Variants in TTC3 observed in about 807,000 individuals in gnomAD.
TTC3 encodes the protein tetratricopeptide repeat domain 3.
A neutral mutation model predicts 249.6 loss-of-function variants in TTC3; 180 were observed. That is an observed-to-expected ratio of 0.72 (90% CI 0.64 to 0.82). TTC3 has a LOEUF of 0.82. Among genes scored for constraint, TTC3 ranks in the 40% least tolerant of loss-of-function variants. The pLI is 0.00. For missense variants in TTC3, 2,061 were observed against 2,398.4 expected, an observed-to-expected ratio of 0.86 and a Z score of 2.94; for synonymous variants, 717 against 805.0, an observed-to-expected ratio of 0.89 and a Z score of 1.85.
At chr21:37,112,404 T>G (rs1315592166) in intron 11 of TTC3, among the ~76,000 whole-genome samples, 1 of 152,196 alleles carries the variant, frequency 6.6e-6, no homozygotes, top group South Asian at 2.1e-4. Context: ...CAGAGAATAC[T>G]GTAAACACCT....
exon 42 of TTC3, chr21:37,195,944 T>C (rs1180850661): frequency 3.1e-6 from 5 of 1,614,098 alleles, no homozygotes; most frequent in Non-Finnish European, 4.2e-6. Context: ...AGCCTGTTCC[T>C]CCAGGACGTG....
At chr21:37,151,189 A>G (rs765714578) in intron 25 of TTC3, among the ~76,000 whole-genome samples, 1 of 152,150 alleles carries the variant, frequency 6.6e-6, no homozygotes, top group African/African-American at 2.4e-5. Context: ...TATAAAAACT[A>G]TACAGTTTGC....
At chr21:37,182,496 G>A (rs1231386019) in intron 35 of TTC3, among the ~76,000 whole-genome samples, 1 of 152,250 alleles carries the variant, frequency 6.6e-6, no homozygotes, top group Non-Finnish European at 1.5e-5. Context: ...AGGCTGGAGA[G>A]TAAGTGTGAA....
chr21:37,095,137 A>ATGTGTGTG (rs57682889), intron 8 of TTC3, among the ~76,000 whole-genome samples: 2,633 of 147,564 alleles, frequency 0.018, 61 homozygotes, highest in African/African-American at 0.058. Context: ...CTCTAAAAAT[A>ATGTGTGTG]TGTGTGTGTG....
chr21:37,124,903 A>C (rs1253314586), intron 14 of TTC3, among the ~76,000 whole-genome samples, 161 bp downstream of exon 14: 1 of 152,238 alleles, frequency 6.6e-6, no homozygotes, highest in African/African-American at 2.4e-5. Context: ...TAATCTGAGT[A>C]TCTCATATAA....
intron 12 of TTC3, among the ~76,000 whole-genome samples, chr21:37,122,223 A>G (rs1315531213): frequency 1.3e-5 from 2 of 151,764 alleles, no homozygotes; most frequent in African/African-American, 4.8e-5. Flanking sequence ...CCAAATTGTT[A>G]TTTATTCCTC....
At chr21:37,078,926 A>C (rs561254069) in intron 1 of TTC3, among the ~76,000 whole-genome samples, 2 of 152,294 alleles carry the variant, frequency 1.3e-5, no homozygotes, top group South Asian at 4.1e-4. Context: ...CTCAGCTGAG[A>C]ATAACATTTG....
chr21:37,119,204 C>G (rs2076393109), intron 11 of TTC3, among the ~76,000 whole-genome samples: 1 of 152,022 alleles, frequency 6.6e-6, no homozygotes, highest in Non-Finnish European at 1.5e-5. Flanking sequence ...TTTAATTCTT[C>G]AAGGTTTTAA....
At chr21:37,107,052 A>G (rs2075145679) in intron 10 of TTC3, among the ~76,000 whole-genome samples, 1 of 148,752 alleles carries the variant, frequency 6.7e-6, no homozygotes, top group Non-Finnish European at 1.5e-5. Context: ...TTTGTTGGTC[A>G]GGTTGTCTAT....
chr21:37,157,466 T>C lies in TTC3; in HGVS notation c.2992+560T>C, dbSNP rs530743405. Among the ~76,000 whole-genome samples, 23 of 152,302 alleles carry C rather than the reference T, an allele frequency of 1.5e-4. No individual in the cohort carries two copies. In the South Asian group the frequency reaches 3.7e-3, roughly 25 times the overall value. The stretch of plus-strand genomic sequence containing the variant: ...TGTCTCTGCCCTTGAGGACCTTGTG[T>C]TCTAGAAAAGAGAATAAGAAGCATG... On this transcript the variant is annotated intron_variant, in intron 28 of 45. Transcript: ENST00000355666.
At chr21:37,109,400 C>T (rs1046900255) in intron 11 of TTC3, among the ~76,000 whole-genome samples, 4 of 152,242 alleles carry the variant, frequency 2.6e-5, no homozygotes, top group Non-Finnish European at 5.9e-5. Context: ...TCAAACGGCA[C>T]ACCAGGAGAT....
At chr21:37,182,935 G>A in intron 36 of TTC3, 22 bp downstream of exon 36, 1 of 1,497,290 alleles carries the variant, frequency 6.7e-7, no homozygotes. Context: ...TTGAAAGGCA[G>A]TAATTTTTAT....
rs1179951258 is a variant in TTC3 at position 37,160,791 on chromosome 21, C to G, written c.3040-11C>G. ...TTTGAGTGTTCACTGATTTTTCCCC[C>G]CATTTTTTAGTTTAGTTCAACCAAG... is the stretch of plus-strand genomic sequence containing the variant. On this transcript the variant is annotated splice_polypyrimidine_tract_variant and intron_variant, in intron 29 of 45. Coordinates refer to ENST00000355666, the Ensembl canonical transcript of TTC3. 2 of 1,612,190 alleles carry G rather than the reference C, an allele frequency of 1.2e-6. No individual in the cohort carries two copies. The highest frequency in any genetic ancestry group is 1.7e-6 in the Non-Finnish European group (2 of 1,179,236).
chr21:37,123,223 T>C (rs1297851053), intron 13 of TTC3, among the ~76,000 whole-genome samples, 195 bp downstream of exon 13: 1 of 152,198 alleles, frequency 6.6e-6, no homozygotes, highest in Non-Finnish European at 1.5e-5. Context: ...TTCGCTGTTT[T>C]AGTGAACCAT....
chr21:37,092,747 C>T lies in TTC3; in HGVS notation c.602-1258C>T, dbSNP rs2073434902. Among the ~76,000 whole-genome samples, 3 of 152,176 alleles carry T rather than the reference C, an allele frequency of 2.0e-5. No individual in the cohort carries two copies. The South Asian group carries it at 6.2e-4, about 32-fold the overall frequency. On this transcript the variant is annotated intron_variant, in intron 7 of 45. Transcript: ENST00000355666. ...AATCTTAAATTTTAGGTGCTCTTTT[C>T]ACTTTAGAAATGAATATGTTTGGCT...
chr21:37,144,765 C>T, intron 21 of TTC3, 120 bp downstream of exon 21: 5 of 1,203,088 alleles, frequency 4.2e-6, no homozygotes. Context: ...ACACGCATTT[C>T]CCCTCTACTG....
At chr21:37,120,153 G>A (rs2076468386) in intron 11 of TTC3, among the ~76,000 whole-genome samples, 1 of 152,212 alleles carries the variant, frequency 6.6e-6, no homozygotes, top group African/African-American at 2.4e-5. Flanking sequence ...GAACATGGTG[G>A]TCTCCTAAGT....
chr21:37,112,187 CT>C (rs1402877345), intron 11 of TTC3, among the ~76,000 whole-genome samples: 3 of 152,122 alleles, frequency 2.0e-5, no homozygotes, highest in African/African-American at 7.2e-5. Flanking sequence ...CAAGAAATAT[CT>C]AAGATCAGAG....
At chr21:37,177,780 A>G (rs2082402152) in intron 35 of TTC3, among the ~76,000 whole-genome samples, 1 of 152,194 alleles carries the variant, frequency 6.6e-6, no homozygotes, top group South Asian at 2.1e-4. Context: ...GGTAATAATG[A>G]CTATGTGAGA....
Sources: gnomAD v4.1 joint callset for allele counts (sites outside exome capture counted in the v4.1 genomes callset) on GRCh38, gnomAD v4.1.1 for gene constraint, MANE v1.5 for transcripts, NCBI Gene and HGNC (gene_info 2026-07-23, HGNC 2026-07-21) for gene names.